The following CCDC7 variants were observed in gnomAD, a reference collection of about 807,000 sequenced individuals.
The protein encoded by CCDC7 is coiled-coil domain-containing protein 7.
A neutral mutation model predicts 196.9 loss-of-function variants in CCDC7; 183 were observed. That is an observed-to-expected ratio of 0.93 (90% CI 0.82 to 1.05). The LOEUF is 1.05. Among genes scored for constraint, CCDC7 ranks in the 50% least tolerant of loss-of-function variants. The pLI is 0.00. For missense variants in CCDC7, 1,540 were observed against 1,482.2 expected, an observed-to-expected ratio of 1.04 and a Z score of -0.64; for synonymous variants, 525 against 484.6, an observed-to-expected ratio of 1.08 and a Z score of -1.10.
upstream of CCDC7, among the ~76,000 whole-genome samples, chr10:32,443,914 A>C (rs1564584621): frequency 1.3e-5 from 2 of 152,186 alleles, no homozygotes; most frequent in South Asian, 4.1e-4. Flanking sequence ...ACATTTTAGC[A>C]ATATTGGGTC....
chr10:32,468,788 AG>A (rs1349780535), intron 5 of CCDC7, among the ~76,000 whole-genome samples: 1 of 152,158 alleles, frequency 6.6e-6, no homozygotes, highest in Non-Finnish European at 1.5e-5. Flanking sequence ...GTAGGAAACA[AG>A]GGATTCTTAT....
At chr10:32,552,321 A>G (rs568277428) in intron 13 of CCDC7, among the ~76,000 whole-genome samples, 24 of 152,308 alleles carry the variant, frequency 1.6e-4, no homozygotes, top group African/African-American at 5.1e-4. Context: ...TGAAGGCATC[A>G]GATAGTTGGT....
At chr10:32,649,457 C>G (rs554394965) in intron 20 of CCDC7, among the ~76,000 whole-genome samples, 2 of 152,148 alleles carry the variant, frequency 1.3e-5, no homozygotes, top group Non-Finnish European at 2.9e-5. Flanking sequence ...AAGGATTTTT[C>G]TTTTGCAATC....
intron 22 of CCDC7, among the ~76,000 whole-genome samples, chr10:32,687,562 A>G (rs561921904): frequency 6.6e-6 from 1 of 152,310 alleles, no homozygotes; most frequent in South Asian, 2.1e-4. Context: ...CACACCATAT[A>G]GCATTATCTG....
At chr10:32,881,755 G>A (rs2094799481), downstream of CCDC7, among the ~76,000 whole-genome samples, 1 of 151,860 alleles carries the variant, frequency 6.6e-6, no homozygotes, top group African/African-American at 2.4e-5. Context: ...CACAATTACA[G>A]GCATACTTTG....
chr10:32,647,387 TAA>T (rs2067952060), intron 20 of CCDC7, among the ~76,000 whole-genome samples: 1 of 150,470 alleles, frequency 6.6e-6, no homozygotes, highest in Non-Finnish European at 1.5e-5. Flanking sequence ...CACGTACCTG[TAA>T]TCCCAGCTAC....
At chr10:32,741,000 A>G (rs967419670) in intron 28 of CCDC7, among the ~76,000 whole-genome samples, 8 of 152,190 alleles carry the variant, frequency 5.3e-5, no homozygotes, top group Non-Finnish European at 1.0e-4. Context: ...GTCTACCTGC[A>G]TTAATGAAAA....
chr10:32,625,815 CAT>C (rs144056152), intron 18 of CCDC7, among the ~76,000 whole-genome samples: 13,521 of 152,076 alleles, frequency 0.089, 848 homozygotes, highest in East Asian at 0.33. Flanking sequence ...TAAGTGAAAA[CAT>C]GTGGTATTTG....
chr10:32,448,794 C>G (rs778357338), upstream of CCDC7, among the ~76,000 whole-genome samples: 3 of 151,964 alleles, frequency 2.0e-5, no homozygotes, highest in African/African-American at 7.2e-5. Flanking sequence ...TTTATTTTCT[C>G]ATTTTCAGTA....
At chr10:32,625,100 A>G (rs1671910498) in intron 18 of CCDC7, among the ~76,000 whole-genome samples, 1 of 145,844 alleles carries the variant, frequency 6.9e-6, no homozygotes, top group Non-Finnish European at 1.5e-5. Flanking sequence ...ATCAAGAATT[A>G]TGGCAAGGAG....
At chr10:32,619,910 C>CTTTTTTTTTTTTTTTTTTTTTTTTTT (rs56089046) in intron 18 of CCDC7, among the ~76,000 whole-genome samples, 4 of 79,260 alleles carry the variant, frequency 5.0e-5, no homozygotes, top group African/African-American at 2.0e-4. Context: ...TTCAATGTAC[C>CTTTTTTTTTTTTTTTTTTTTTTTTTT]TTTTTTTTTT....
chr10:32,579,404 T>C (rs2058530469), intron 16 of CCDC7, among the ~76,000 whole-genome samples: 1 of 152,198 alleles, frequency 6.6e-6, no homozygotes. Context: ...AGGTTATCAA[T>C]AGATAATTAT....
At chr10:32,714,635 G>A (rs2081313285) in intron 25 of CCDC7, among the ~76,000 whole-genome samples, 1 of 152,156 alleles carries the variant, frequency 6.6e-6, no homozygotes, top group Admixed American at 6.5e-5. Context: ...GAGCCCAACT[G>A]AGATCCACTG....
At chr10:32,732,266 C>G (rs2084115274) in intron 28 of CCDC7, among the ~76,000 whole-genome samples, 1 of 152,036 alleles carries the variant, frequency 6.6e-6, no homozygotes. Flanking sequence ...AAACTTAATA[C>G]TTGCAGAAAA....
At chr10:32,707,609 C>A (rs1359321649) in intron 24 of CCDC7, among the ~76,000 whole-genome samples, 2 of 152,196 alleles carry the variant, frequency 1.3e-5, no homozygotes, top group Non-Finnish European at 2.9e-5. Flanking sequence ...AGCTGATAAG[C>A]AACTTCAGCA....
At chr10:32,517,898 A>C (rs2047291943) in intron 9 of CCDC7, 47 bp from the exon 11 acceptor site, 1 of 1,560,974 alleles carries the variant, frequency 6.4e-7, no homozygotes, top group Non-Finnish European at 8.7e-7. Flanking sequence ...ATAAATTAAA[A>C]TATAAATGTA....
At chr10:32,636,861 G>C (rs71493136) in intron 20 of CCDC7, among the ~76,000 whole-genome samples, 67,734 of 151,788 alleles carry the variant, frequency 0.45, 15,855 homozygotes, top group East Asian at 0.58. Context: ...TAAAAGTGTT[G>C]CTATTTCTCC....
chr10:32,690,181 G>C (rs2141233124), intron 23 of CCDC7, among the ~76,000 whole-genome samples: 1 of 152,274 alleles, frequency 6.6e-6, no homozygotes, highest in South Asian at 2.1e-4. Flanking sequence ...GCCCAGTTAA[G>C]AGCCACTGGT....
At chr10:32,715,593 C>T (rs1187410702) in intron 25 of CCDC7, among the ~76,000 whole-genome samples, 7 of 152,142 alleles carry the variant, frequency 4.6e-5, no homozygotes, top group Non-Finnish European at 8.8e-5. Context: ...TGGGTAATAA[C>T]AAACTCCTCT....
Sources: gnomAD v4.1 joint callset for allele counts (sites outside exome capture counted in the v4.1 genomes callset) on GRCh38, gnomAD v4.1.1 for gene constraint, MANE v1.5 for transcripts, NCBI Gene and HGNC (gene_info 2026-07-23, HGNC 2026-07-21) for gene names.